The following ITGA9 variants were observed in gnomAD, a reference collection of about 807,000 sequenced individuals.
ITGA9 encodes integrin subunit alpha 9, also known as integrin alpha-9.
A neutral mutation model predicts 127.8 loss-of-function variants in ITGA9; 56 were observed. The ratio of observed to expected loss-of-function variants is 0.44; its 90% CI spans 0.35 to 0.55. The LOEUF is 0.55. Among genes scored for constraint, ITGA9 ranks in the 20% least tolerant of loss-of-function variants. The pLI is 0.00. For missense variants in ITGA9, 1,196 were observed against 1,347.1 expected (o/e 0.89, Z 1.76); for synonymous variants, 508 against 514.5 (o/e 0.99, Z 0.17).
At chr3:37,652,220 AGTGTG>A (rs1270292632) in intron 16 of ITGA9, among the ~76,000 whole-genome samples, 1 of 152,002 alleles carries the variant, frequency 6.6e-6, no homozygotes, top group Non-Finnish European at 1.5e-5. Context: ...AAGTTTCACT[AGTGTG>A]GTGGGGAAGC....
chr3:37,530,130 AG>A (rs1252779562), intron 13 of ITGA9, among the ~76,000 whole-genome samples: 1 of 152,166 alleles, frequency 6.6e-6, no homozygotes, highest in East Asian at 1.9e-4. Flanking sequence ...GGGCAGGCAA[AG>A]GGGTTGCTGA....
chr3:37,752,380 A>G (rs891884624), intron 23 of ITGA9, among the ~76,000 whole-genome samples: 21 of 152,088 alleles, frequency 1.4e-4, no homozygotes, highest in African/African-American at 5.1e-4. Context: ...GCCTGGTGGC[A>G]TTCCCTCCCC....
intron 26 of ITGA9, among the ~76,000 whole-genome samples, chr3:37,786,063 T>C (rs1448870478): frequency 1.3e-5 from 2 of 152,006 alleles, no homozygotes; most frequent in Non-Finnish European, 2.9e-5. Flanking sequence ...ATGCCCACAC[T>C]CAGATCCCAG....
chr3:37,819,043 T>G lies in ITGA9; in HGVS notation c.*54T>G. On this transcript the variant is annotated 3_prime_UTR_variant, in exon 28 of 28. Coordinates refer to ENST00000264741, the MANE Select transcript of ITGA9 (RefSeq NM_002207.3). Reference sequence around the variant, plus strand: ...ACTAGCCTGTCATCCTTGGTCTTTGTATCTTCCATATTTGGAAGAAAAAAA... The same window carrying G: ...ACTAGCCTGTCATCCTTGGTCTTTGGATCTTCCATATTTGGAAGAAAAAAA... 7.9e-7 allele frequency: 1 copy of G among 1,273,876 alleles called. No individual in the cohort carries two copies. Among genetic ancestry groups the G allele is most frequent in the Non-Finnish European group, 1.1e-6 (1 of 871,240 alleles). The allele number at this position is 1,273,876 out of a possible 1,614,324, so 78.9% of individuals were successfully genotyped here.
At chr3:37,656,366 C>A (rs1700477894) in intron 17 of ITGA9, among the ~76,000 whole-genome samples, 1 of 152,116 alleles carries the variant, frequency 6.6e-6, no homozygotes, top group Non-Finnish European at 1.5e-5. Flanking sequence ...TCCCTTATTT[C>A]CTTGAGCAGT....
chr3:37,473,224 T>A, intron 2 of ITGA9, 130 bp from the exon 3 acceptor site: 1 of 635,948 alleles, frequency 1.6e-6, no homozygotes. Context: ...GTATAGTACA[T>A]AGTGATGGAG....
At chr3:37,680,876 C>CAA (rs767406083) in intron 17 of ITGA9, among the ~76,000 whole-genome samples, 4 of 152,206 alleles carry the variant, frequency 2.6e-5, no homozygotes, top group South Asian at 4.1e-4. Context: ...GCCACAATAG[C>CAA]TTGAGATCAG....
At chr3:37,604,341 A>G (rs1247851265) in intron 15 of ITGA9, among the ~76,000 whole-genome samples, 1 of 152,200 alleles carries the variant, frequency 6.6e-6, no homozygotes, top group Admixed American at 6.5e-5. Context: ...CTAGTTTTCT[A>G]CCCTTCAAAA....
At chr3:37,584,904 C>T (rs1398080136) in intron 15 of ITGA9, among the ~76,000 whole-genome samples, 5 of 152,132 alleles carry the variant, frequency 3.3e-5, no homozygotes, top group Admixed American at 3.3e-4. Context: ...CAGATCCATT[C>T]TCCACCATTA....
rs186904807 is a variant in ITGA9 at position 37,459,217 on chromosome 3, T to C, written c.185+6658T>C. The stretch of plus-strand genomic sequence containing the variant: ...CAAGTGCTATCTACATTGGTACTCA[T>C]ACCAGCTCATTTAATGTTCCCAACA... On this transcript the variant is annotated intron_variant, in intron 1 of 27. Coordinates refer to ENST00000264741, the MANE Select transcript of ITGA9 (RefSeq NM_002207.3). 4.6e-4 allele frequency among the ~76,000 whole-genome samples: 70 copies of C among 152,360 alleles called. 1 individual carries two copies. Among genetic ancestry groups the C allele is most frequent in the African/African-American group, 1.6e-3 (66 of 41,578 alleles).
At chr3:37,612,672 T>C (rs59103683) in intron 15 of ITGA9, among the ~76,000 whole-genome samples, 6,056 of 152,328 alleles carry the variant, frequency 0.04, 397 homozygotes, top group African/African-American at 0.14. Context: ...GTTTAAGATA[T>C]GCTTTTGGTT....
Position 37,458,791 on chromosome 3 carries a change from A to C in ITGA9, c.185+6232A>C, listed in dbSNP as rs925049915. On this transcript the variant is annotated intron_variant, in intron 1 of 27. Transcript: ENST00000264741. Reference sequence around the variant, plus strand: ...AGTAGGGCCATTGGGACTGGCCCAGAAACAGAATCCTGAGCAATCTTGCCA... The same window carrying C: ...AGTAGGGCCATTGGGACTGGCCCAGCAACAGAATCCTGAGCAATCTTGCCA... 5.3e-5 allele frequency among the ~76,000 whole-genome samples: 8 copies of C among 152,228 alleles called. No homozygotes were observed. The South Asian group carries it at 1.7e-3, about 32-fold the overall frequency.
At chr3:37,486,644 C>T (rs184015002) in intron 4 of ITGA9, among the ~76,000 whole-genome samples, 1 of 152,230 alleles carries the variant, frequency 6.6e-6, no homozygotes, top group East Asian at 1.9e-4. Context: ...GCTGGATATT[C>T]CTAAAATGAT....
intron 18 of ITGA9, among the ~76,000 whole-genome samples, chr3:37,695,079 G>A (rs774706968): frequency 6.6e-6 from 1 of 152,144 alleles, no homozygotes; most frequent in Non-Finnish European, 1.5e-5. Context: ...TGTGAGTTAC[G>A]CCAAGGTACT....
intron 4 of ITGA9, among the ~76,000 whole-genome samples, chr3:37,485,110 AGTG>A (rs1224035515): frequency 1.3e-5 from 2 of 152,178 alleles, no homozygotes; most frequent in African/African-American, 4.8e-5. Context: ...GTGTTTTAAA[AGTG>A]GGAGGGCCGT....
chr3:37,560,563 C>T (rs747989087), intron 15 of ITGA9, among the ~76,000 whole-genome samples: 4 of 152,188 alleles, frequency 2.6e-5, no homozygotes, highest in South Asian at 2.1e-4. Flanking sequence ...TTTACACTCC[C>T]GCCAACAGTG....
At chr3:37,734,768 A>G (rs1696338043) in intron 19 of ITGA9, among the ~76,000 whole-genome samples, 1 of 152,252 alleles carries the variant, frequency 6.6e-6, no homozygotes, top group African/African-American at 2.4e-5. Context: ...CTGGGATTAC[A>G]GGCGTGAGCC....
chr3:37,455,087 G>A (rs1007143728), intron 1 of ITGA9, among the ~76,000 whole-genome samples: 7 of 152,290 alleles, frequency 4.6e-5, no homozygotes, highest in Middle Eastern at 3.4e-3. Flanking sequence ...AAATTTGTAA[G>A]ATCAGGTCCT....
intron 26 of ITGA9, among the ~76,000 whole-genome samples, chr3:37,801,269 A>G (rs866546926): frequency 1.3e-5 from 2 of 152,050 alleles, no homozygotes; most frequent in Admixed American, 6.6e-5. Context: ...GGTGATGCTA[A>G]TCCAAGCTGT....
Sources: gnomAD v4.1 joint callset for allele counts (sites outside exome capture counted in the v4.1 genomes callset) on GRCh38, gnomAD v4.1.1 for gene constraint, MANE v1.5 for transcripts, NCBI Gene and HGNC (gene_info 2026-07-23, HGNC 2026-07-21) for gene names.